Variants in PRR14L observed in about 807,000 individuals in gnomAD.
PRR14L encodes the protein protein PRR14L.
PRR14L carries 80 observed loss-of-function variants against 155.0 expected under a neutral mutation model. The observed-to-expected ratio is 0.52, with a 90% CI of 0.43 to 0.62. PRR14L has a LOEUF of 0.62. Ranked by LOEUF, PRR14L falls within the 20% of genes least tolerant of loss-of-function variation. The probability of loss-of-function intolerance (pLI) is 0.00; values close to 1 mark genes in which losing one functional copy is unlikely to be tolerated. For missense variants in PRR14L, 2,469 were observed against 2,548.0 expected, an observed-to-expected ratio of 0.97 and a Z score of 0.67; for synonymous variants, 883 against 916.0, an observed-to-expected ratio of 0.96 and a Z score of 0.65.
intron 4 of PRR14L, among the ~76,000 whole-genome samples, chr22:31,709,788 G>T (rs1347340717): frequency 6.6e-6 from 1 of 151,742 alleles, no homozygotes. Flanking sequence ...TGATCTGCCG[G>T]CCGCAGCCTC....
At chr22:31,704,485 T>C in intron 5 of PRR14L, 170 bp downstream of exon 5, 1 of 453,132 alleles carries the variant, frequency 2.2e-6, no homozygotes. Flanking sequence ...CTGCTTGTAA[T>C]AGAACAGATT....
chr22:31,703,513 C>A, intron 6 of PRR14L, 37 bp downstream of exon 6: 3 of 1,586,188 alleles, frequency 1.9e-6, no homozygotes, highest in Non-Finnish European at 2.6e-6. Context: ...ACCTCCAATG[C>A]CACCATCATC....
At chr22:31,708,754 T>A (rs573620501) in intron 4 of PRR14L, among the ~76,000 whole-genome samples, 1 of 152,274 alleles carries the variant, frequency 6.6e-6, no homozygotes, top group East Asian at 1.9e-4. Context: ...AGCCTCTGAG[T>A]AGCTGGGATT....
In PRR14L at chr22:31,714,611, T is replaced by C; in HGVS notation, c.3228A>G (p.Leu1076=). The C allele has an allele frequency of 3.9e-6, 6 of 1,551,990 alleles. No individual in the cohort carries two copies. The highest frequency in any genetic ancestry group is 2.4e-5 in the East Asian group (1 of 40,926). Reference sequence around the variant, plus strand: ...TCTCTTGCCTTGCACCACAATCCAGTAGATTAGATGCCTTCACGTCCAGCA... The same window carrying C: ...TCTCTTGCCTTGCACCACAATCCAGCAGATTAGATGCCTTCACGTCCAGCA... ...EGVLDVKASN[L]LDCGARQEKL... Residue 1076 remains leucine (L), a synonymous_variant, in exon 4 of 9, where the codon CTA becomes CTG. Coordinates refer to ENST00000327423, the MANE Select transcript of PRR14L (RefSeq NM_173566.3).
At chr22:31,703,477 T>C (rs2074573333) in intron 6 of PRR14L, 73 bp downstream of exon 6, 2 of 1,416,118 alleles carry the variant, frequency 1.4e-6, no homozygotes, top group Admixed American at 3.8e-5. Context: ...TCTGTAGCTA[T>C]AATGCGATGT....
At chr22:31,747,737 T>C (rs965727982) in intron 1 of PRR14L, among the ~76,000 whole-genome samples, 1 of 148,188 alleles carries the variant, frequency 6.7e-6, no homozygotes, top group Non-Finnish European at 1.5e-5. Context: ...ACACTTTACA[T>C]ACAAAAAAAG....
At position 31,712,884 on chromosome 22, in the gene PRR14L, T is replaced by G. The variant is rs1480056361; in HGVS notation, c.4955A>C (p.Lys1652Thr). The change falls in exon 4 of 9, where the codon AAG becomes ACG. Residue 1652 changes from lysine (K) to threonine (T), a missense_variant. Lys to Thr is a moderately conservative substitution (Grantham distance 78, BLOSUM62 -1). Transcript: ENST00000327423. ...SELLPMAKSY[K>T]RLRYKRLLDG... ...CAGGAGTCTTTTATATCTGAGGCGC[T>G]TGTAGCTTTTAGCCATTGGAAGAAG... 1.9e-6 allele frequency: 3 copies of G among 1,551,898 alleles called. No individual in the cohort carries two copies. Among genetic ancestry groups the G allele is most frequent in the Non-Finnish European group, 2.6e-6 (3 of 1,147,030 alleles).
At chr22:31,710,211 G>C (rs1170407316) in intron 4 of PRR14L, among the ~76,000 whole-genome samples, 1 of 152,142 alleles carries the variant, frequency 6.6e-6, no homozygotes, top group Non-Finnish European at 1.5e-5. Context: ...CGAAGTGCTA[G>C]GCTTACAGGC....
At chr22:31,746,332 T>G (rs889045262) in intron 1 of PRR14L, among the ~76,000 whole-genome samples, 1 of 152,240 alleles carries the variant, frequency 6.6e-6, no homozygotes, top group African/African-American at 2.4e-5. Context: ...ATTTTCAGTA[T>G]TTTTTATCAG....
intron 4 of PRR14L, among the ~76,000 whole-genome samples, chr22:31,710,583 G>A (rs1427587017): frequency 6.6e-6 from 1 of 151,332 alleles, no homozygotes; most frequent in African/African-American, 2.4e-5. Context: ...CTCCCGAGTA[G>A]CTGGGACTAC....
At chr22:31,721,371 A>T (rs2147867887) in intron 3 of PRR14L, among the ~76,000 whole-genome samples, 1 of 152,344 alleles carries the variant, frequency 6.6e-6, no homozygotes, top group South Asian at 2.1e-4. Context: ...GATCGAGACC[A>T]TCCTGGCTAA....
chr22:31,697,569 C>G (rs986621782), intron 7 of PRR14L, among the ~76,000 whole-genome samples: 7 of 152,070 alleles, frequency 4.6e-5, no homozygotes, highest in African/African-American at 1.7e-4. Context: ...AAAAGTTCCA[C>G]TCAACATATA....
At chr22:31,705,133 C>T (rs1311177247) in intron 4 of PRR14L, among the ~76,000 whole-genome samples, 1 of 152,078 alleles carries the variant, frequency 6.6e-6, no homozygotes, top group African/African-American at 2.4e-5. Context: ...TGGTGGAGTG[C>T]ACCTGTGGTC....
At chr22:31,710,219 G>C (rs934273357) in intron 4 of PRR14L, among the ~76,000 whole-genome samples, 8 of 152,144 alleles carry the variant, frequency 5.3e-5, no homozygotes, top group Non-Finnish European at 1.2e-4. Context: ...TAGGCTTACA[G>C]GCATGAGCCA....
At position 31,738,401 on chromosome 22, in the gene PRR14L, T is replaced by G. The variant is rs2074794524; in HGVS notation, c.460A>C (p.Thr154Pro). The G allele has an allele frequency of 5.2e-6, 8 of 1,552,040 alleles. No homozygotes were observed. Among genetic ancestry groups the G allele is most frequent in the Non-Finnish European group, 7.0e-6 (8 of 1,146,980 alleles). The change falls in exon 2 of 9, where the codon ACT (threonine) becomes CCT (proline). Residue 154 changes from threonine to proline, a missense_variant. Thr to Pro is a conservative substitution (Grantham distance 38, BLOSUM62 -1). Around this residue, in one of 2 missense-constraint regions of PRR14L, gnomAD observed 2,363 missense variants for 2,371.6 expected, o/e 1.00. Transcript: ENST00000327423. The stretch of plus-strand genomic sequence containing the variant: ...TCATTTCTTACCTGACTCGGGCTAG[T>G]CTTTTCTTCAGCAGCTGTGGAATGT... ...HQHSTAAEEK[T>P]SPSQEDLLMQ... is the part of the protein sequence containing the mutation.
At chr22:31,747,095 C>T (rs1417656130) in intron 1 of PRR14L, among the ~76,000 whole-genome samples, 2 of 151,262 alleles carry the variant, frequency 1.3e-5, no homozygotes. Context: ...TGAGCCACCG[C>T]GCCTGACCCT....
intron 8 of PRR14L, among the ~76,000 whole-genome samples, chr22:31,686,481 C>A (rs2074483345): frequency 6.6e-6 from 1 of 151,858 alleles, no homozygotes; most frequent in East Asian, 1.9e-4. Context: ...AGTGCAGTGG[C>A]ACAATCACAA....
chr22:31,732,928 A>C (rs974483478), intron 2 of PRR14L, among the ~76,000 whole-genome samples: 2 of 152,116 alleles, frequency 1.3e-5, no homozygotes, highest in African/African-American at 4.8e-5. Flanking sequence ...TTTTGCAATT[A>C]AAAACTGCTG....
rs1024039418 is a variant in PRR14L, at chr22:31,716,354, T to G, written c.1485A>C (p.Glu495Asp). 5.2e-6 allele frequency: 8 copies of G among 1,551,028 alleles called. No homozygotes were observed. In the African/African-American group the frequency reaches 8.2e-5, roughly 16 times the overall value. ...GNLTNPEDHK[E>D]TFTNMSHPGG... ...CAGGATGGCTCATATTAGTAAAAGT[T>G]TCTTTATGGTCCTCAGGGTTTGTCA... Residue 495 changes from glutamate (E) to aspartate (D), a missense_variant, in exon 4 of 9, where the codon GAA becomes GAC. Glu to Asp is a conservative substitution (Grantham distance 45). This residue lies in a region of PRR14L where 2,363 missense variants were observed against 2,371.6 expected (regional missense o/e 1.00). Transcript: ENST00000327423.
Sources: gnomAD v4.1 joint callset for allele counts (sites outside exome capture counted in the v4.1 genomes callset) on GRCh38, gnomAD v4.1.1 for gene constraint, gnomAD v4.1.1 regional missense constraint, MANE v1.5 for transcripts, NCBI Gene and HGNC (gene_info 2026-07-23, HGNC 2026-07-21) for gene names.